The following CXCL13 variants were observed in gnomAD, a reference collection of about 807,000 sequenced individuals.
CXCL13 encodes C-X-C motif chemokine ligand 13, also known as C-X-C motif chemokine 13.
Under a neutral mutation model 12.2 loss-of-function variants are expected in CXCL13, and 7 were observed. The ratio of observed to expected loss-of-function variants is 0.57; its 90% CI spans 0.33 to 1.07. CXCL13 has a LOEUF of 1.07. Ranked by LOEUF, CXCL13 falls within the 50% of genes least tolerant of loss-of-function variation. CXCL13 has a pLI of 0.04. For missense variants in CXCL13, 113 were observed against 127.4 expected (o/e 0.89, Z 0.55); for synonymous variants, 47 against 42.4 (o/e 1.11, Z -0.42).
upstream of CXCL13, among the ~76,000 whole-genome samples, chr4:77,602,943 A>G (rs1726911647): frequency 2.6e-5 from 4 of 152,334 alleles, 1 homozygote; most frequent in South Asian, 8.3e-4. Flanking sequence ...ATCTTAGGGC[A>G]GACATGAATA....
chr4:77,603,459 T>G (rs72861970), upstream of CXCL13, among the ~76,000 whole-genome samples: 4,758 of 152,228 alleles, frequency 0.031, 222 homozygotes, highest in African/African-American at 0.1. Context: ...ATGTATGCAT[T>G]TAAGTGTATG....
intron 1 of CXCL13, among the ~76,000 whole-genome samples, chr4:77,525,475 A>G (rs555091865): frequency 6.6e-6 from 1 of 152,306 alleles, no homozygotes; most frequent in African/African-American, 2.4e-5. Context: ...GTTTTTAAAC[A>G]GCATGTTAGG....
At chr4:77,531,335 T>C (rs1458666788) in intron 1 of CXCL13, among the ~76,000 whole-genome samples, 3 of 141,142 alleles carry the variant, frequency 2.1e-5, no homozygotes, top group Admixed American at 7.4e-5. Flanking sequence ...CCATGTGTTC[T>C]CATTGTTCAA....
rs1372289991 is a variant in CXCL13 at position 77,610,712 on chromosome 4, A to C, written c.278+18A>C. The C allele has an allele frequency of 6.3e-7, 1 of 1,580,774 alleles. No homozygotes were observed. The highest frequency in any genetic ancestry group is 2.2e-5 in the East Asian group (1 of 44,722). ...TTGAGAAAGTAAGTTAGGCATAACA[A>C]GGGGTTTCAGATTCCAACTTGTACT... On this transcript the variant is annotated intron_variant, in intron 3 of 3. Transcript: ENST00000682537.
At chr4:77,544,155 A>G (rs1015116087) in intron 1 of CXCL13, among the ~76,000 whole-genome samples, 7 of 152,190 alleles carry the variant, frequency 4.6e-5, no homozygotes, top group Non-Finnish European at 1.5e-5. Context: ...ATTGATAGAC[A>G]TTTGGGTTGG....
chr4:77,566,610 T>C (rs554191672), intron 1 of CXCL13, among the ~76,000 whole-genome samples: 2 of 152,282 alleles, frequency 1.3e-5, no homozygotes, highest in African/African-American at 2.4e-5. Context: ...ATTGAGGCTC[T>C]TGAAATTTCC....
At chr4:77,527,146 C>T (rs887802538) in intron 1 of CXCL13, among the ~76,000 whole-genome samples, 1 of 151,990 alleles carries the variant, frequency 6.6e-6, no homozygotes, top group Admixed American at 6.6e-5. Context: ...GAAAAGATGC[C>T]CAACACCATT....
At chr4:77,560,977 C>T (rs1725797083) in intron 1 of CXCL13, among the ~76,000 whole-genome samples, 2 of 152,130 alleles carry the variant, frequency 1.3e-5, no homozygotes, top group African/African-American at 4.8e-5. Flanking sequence ...TAGCTCTGTC[C>T]TGGGAACCCC....
At chr4:77,520,397 G>A (rs1028038701) in intron 1 of CXCL13, among the ~76,000 whole-genome samples, 1 of 152,146 alleles carries the variant, frequency 6.6e-6, no homozygotes, top group Non-Finnish European at 1.5e-5. Context: ...TCCTTGAGCA[G>A]TGGTTTGTAG....
chr4:77,552,158 T>C (rs1028989098), intron 1 of CXCL13, among the ~76,000 whole-genome samples: 3 of 152,232 alleles, frequency 2.0e-5, no homozygotes, highest in Non-Finnish European at 2.9e-5. Flanking sequence ...TTCAGATTTT[T>C]CATTGTGCCA....
intron 1 of CXCL13, among the ~76,000 whole-genome samples, chr4:77,576,997 G>A (rs138573189): frequency 0.017 from 2,546 of 152,128 alleles, 28 homozygotes; most frequent in Non-Finnish European, 0.021. Context: ...GCTTATTCCC[G>A]TGAACAATCC....
intron 2 of CXCL13, 111 bp from the exon 3 acceptor site, chr4:77,610,503 A>T (rs562431511): frequency 5.1e-4 from 416 of 816,746 alleles, no homozygotes; most frequent in Non-Finnish European, 7.1e-4. Context: ...CCCAGCTCCA[A>T]TTTCACTTCA....
chr4:77,535,195 G>C (rs551699992), intron 1 of CXCL13, among the ~76,000 whole-genome samples: 1 of 152,324 alleles, frequency 6.6e-6, no homozygotes, highest in South Asian at 2.1e-4. Context: ...ACTGGGGGAA[G>C]AACTGGGGGC....
In CXCL13 at chr4:77,530,868, G is replaced by A. The variant is rs200103717; in HGVS notation, c.-43+19080G>A. 3.2e-4 allele frequency among the ~76,000 whole-genome samples: 49 copies of A among 151,938 alleles called. 1 individual carries two copies. The East Asian group carries it at 4.3e-3, about 13-fold the overall frequency. ...TCTAGTTCTTTTAATTGTGATGTTA[G>A]GGTGTCAATTTTGGATCTTTCCTGC... On this transcript the variant is annotated intron_variant, in intron 1 of 4. Transcript: ENST00000286758.
chr4:77,546,012 GTT>G (rs1288890721), intron 1 of CXCL13, among the ~76,000 whole-genome samples: 3 of 152,136 alleles, frequency 2.0e-5, no homozygotes, highest in African/African-American at 7.2e-5. Context: ...TCATGATGTG[GTT>G]TTTGTCATTG....
chr4:77,576,014 G>A (rs1726190309), intron 1 of CXCL13, among the ~76,000 whole-genome samples: 1 of 151,710 alleles, frequency 6.6e-6, no homozygotes, highest in Non-Finnish European at 1.5e-5. Context: ...AACTACCCTG[G>A]ACATTTTGCT....
intron 1 of CXCL13, among the ~76,000 whole-genome samples, chr4:77,563,325 C>T (rs1227879892): frequency 3.9e-5 from 6 of 152,182 alleles, no homozygotes; most frequent in African/African-American, 4.8e-5. Context: ...GCTCCCTTGG[C>T]GCTCAGGTGA....
chr4:77,605,797 G>T (rs573522595), upstream of CXCL13: 2 of 910,206 alleles, frequency 2.2e-6, no homozygotes, highest in East Asian at 2.6e-5. Flanking sequence ...TAAATAAATA[G>T]GAGTCTCTGG....
At chr4:77,514,810 A>C (rs1173323241) in intron 1 of CXCL13, among the ~76,000 whole-genome samples, 1 of 151,988 alleles carries the variant, frequency 6.6e-6, no homozygotes. Flanking sequence ...CTTTAGTTTA[A>C]TTAGATCCCA....
Sources: allele counts gnomAD v4.1 joint callset (sites outside exome capture counted in the v4.1 genomes callset), GRCh38; gene constraint gnomAD v4.1.1; transcripts MANE v1.5; gene names NCBI Gene and HGNC (gene_info 2026-07-23, HGNC 2026-07-21).